Variants in IL1RAPL2 observed in about 807,000 individuals in gnomAD.
The protein encoded by IL1RAPL2 is X-linked interleukin-1 receptor accessory protein-like 2.
Under a neutral mutation model 44.1 loss-of-function variants are expected in IL1RAPL2, and 3 were observed. The ratio of observed to expected loss-of-function variants is 0.07; its 90% CI spans 0.03 to 0.18. The LOEUF is 0.18. Among genes scored for constraint, IL1RAPL2 ranks in the 10% least tolerant of loss-of-function variants. The probability of loss-of-function intolerance (pLI) is 1.00; values close to 1 mark genes in which losing one functional copy is unlikely to be tolerated. For missense variants in IL1RAPL2, 391 were observed against 496.4 expected, an observed-to-expected ratio of 0.79 and a Z score of 2.02; for synonymous variants, 181 against 178.8, an observed-to-expected ratio of 1.01 and a Z score of -0.10.
intron 6 of IL1RAPL2, among the ~76,000 whole-genome samples, chrX:105,713,784 G>A (rs969825563): frequency 9.0e-5 from 10 of 111,196 alleles, no homozygotes; most frequent in South Asian, 3.8e-4. Flanking sequence ...GTTTCTATGC[G>A]TATTAATTCC....
chrX:105,682,603 A>G (rs1292698126), intron 6 of IL1RAPL2, among the ~76,000 whole-genome samples: 1 of 112,277 alleles, frequency 8.9e-6, no homozygotes, highest in African/African-American at 3.2e-5. Context: ...AATTTCTTGA[A>G]ATTTCCCTAG....
At chrX:105,247,682 G>A (rs1471187168) in intron 4 of IL1RAPL2, among the ~76,000 whole-genome samples, 1 of 106,302 alleles carries the variant, frequency 9.4e-6, no homozygotes, top group African/African-American at 3.4e-5. Flanking sequence ...AAATCGAACA[G>A]TGAAGAGGTA....
At chrX:105,022,654 A>C (rs937973657) in intron 2 of IL1RAPL2, among the ~76,000 whole-genome samples, 1 of 111,262 alleles carries the variant, frequency 9.0e-6, no homozygotes, top group Non-Finnish European at 1.9e-5. Flanking sequence ...TGTGAGAGAC[A>C]TTGAAAGCTT....
chrX:105,679,220 G>A (rs2037901174), intron 6 of IL1RAPL2, among the ~76,000 whole-genome samples: 1 of 111,527 alleles, frequency 9.0e-6, no homozygotes, highest in African/African-American at 3.3e-5. Flanking sequence ...GGCAGATCAA[G>A]CACTTCTTTT....
intron 7 of IL1RAPL2, among the ~76,000 whole-genome samples, chrX:105,734,696 C>T (rs1007348040): frequency 1.5e-4 from 17 of 111,710 alleles, no homozygotes; most frequent in African/African-American, 5.5e-4. Flanking sequence ...ACTGAGTCAA[C>T]AAGCATTTTT....
chrX:105,084,875 G>A (rs888298505), intron 2 of IL1RAPL2, among the ~76,000 whole-genome samples: 2 of 111,849 alleles, frequency 1.8e-5, no homozygotes, highest in African/African-American at 6.5e-5. Flanking sequence ...GGGACCAGCT[G>A]GGAGATGATT....
At chrX:105,190,232 G>C (rs1409088279) in intron 2 of IL1RAPL2, among the ~76,000 whole-genome samples, 1 of 111,134 alleles carries the variant, frequency 9.0e-6, no homozygotes, top group African/African-American at 3.3e-5. Flanking sequence ...TGGGTGGGGG[G>C]ATGGGGGTGT....
intron 5 of IL1RAPL2, among the ~76,000 whole-genome samples, chrX:105,417,617 A>G (rs753489702): frequency 8.0e-5 from 9 of 112,660 alleles, no homozygotes; most frequent in African/African-American, 2.9e-4. Flanking sequence ...CCTTGGGGAA[A>G]AGTCAGTGCC....
intron 2 of IL1RAPL2, among the ~76,000 whole-genome samples, chrX:104,795,805 C>G (rs1453158337): frequency 8.9e-6 from 1 of 112,018 alleles, no homozygotes; most frequent in Non-Finnish European, 1.9e-5. Context: ...CCTTGACTTT[C>G]CAGACACAAG....
chrX:105,578,638 A>G (rs894352036), intron 6 of IL1RAPL2, among the ~76,000 whole-genome samples: 3 of 110,994 alleles, frequency 2.7e-5, no homozygotes, highest in Non-Finnish European at 5.7e-5. Flanking sequence ...TTGAAAGTGC[A>G]CCACTAATAA....
chrX:105,118,831 A>G (rs2032890109), intron 2 of IL1RAPL2, among the ~76,000 whole-genome samples: 1 of 112,291 alleles, frequency 8.9e-6, no homozygotes, highest in African/African-American at 3.2e-5. Context: ...CTCAAAAAAC[A>G]TATGGTACAC....
intron 2 of IL1RAPL2, among the ~76,000 whole-genome samples, chrX:105,187,594 C>T (rs1556134648): frequency 9.0e-6 from 1 of 111,563 alleles, no homozygotes; most frequent in African/African-American, 3.3e-5. Flanking sequence ...CATGGATGAA[C>T]CTGGAGGATA....
intron 5 of IL1RAPL2, among the ~76,000 whole-genome samples, chrX:105,382,544 TTGTGGAAGTCAG>T (rs2035441055): frequency 2.0e-5 from 2 of 101,116 alleles, no homozygotes; most frequent in African/African-American, 4.1e-5. Context: ...AGTTCAACCA[TTGTGGAAGTCAG>T]TGTGGCGATT....
Position 104,855,794 on chromosome X carries a change from A to G in IL1RAPL2, c.82+196799A>G, listed in dbSNP as rs888494814. Among the ~76,000 whole-genome samples, 3 of 105,386 alleles carry G rather than the reference A, an allele frequency of 2.8e-5. No individual in the cohort carries two copies. The Admixed American group carries it at 3.1e-4, about 11-fold the overall frequency. 91.5% of individuals were successfully genotyped at this position (105,386 alleles called of 115,157 possible). A position where few individuals can be genotyped will look rare whatever the true frequency, so the allele number is the denominator to read the frequency against. ...ATCCTCCTGCCTCAGCCTTCCAAAT[A>G]GCTGGAACTGCAGGCATGCACCACC... is the stretch of plus-strand genomic sequence containing the variant. On this transcript the variant is annotated intron_variant, in intron 2 of 10. Coordinates refer to ENST00000372582, the MANE Select transcript of IL1RAPL2 (RefSeq NM_017416.2).
intron 2 of IL1RAPL2, among the ~76,000 whole-genome samples, chrX:104,693,215 TCATGTTCATACCATTGTA>T (rs1261142765): frequency 8.9e-6 from 1 of 111,828 alleles, no homozygotes; most frequent in African/African-American, 3.2e-5. Context: ...CAAGCATGCA[TCATGTTCATACCATTGTA>T]CATGTGTTAG....
intron 5 of IL1RAPL2, among the ~76,000 whole-genome samples, chrX:105,316,296 GATAA>G (rs1222804496): frequency 6.3e-5 from 7 of 110,451 alleles, no homozygotes; most frequent in Non-Finnish European, 9.5e-5. Context: ...TAAATAAATT[GATAA>G]ATAAATATAG....
chrX:105,030,739 G>C (rs1162758641), intron 2 of IL1RAPL2, among the ~76,000 whole-genome samples: 1 of 111,380 alleles, frequency 9.0e-6, no homozygotes, highest in Non-Finnish European at 1.9e-5. Context: ...GCTCTTTTTT[G>C]GTTCCATATG....
intron 4 of IL1RAPL2, among the ~76,000 whole-genome samples, chrX:105,239,334 A>G (rs1234079300): frequency 5.4e-5 from 6 of 111,983 alleles, no homozygotes; most frequent in Admixed American, 1.9e-4. Context: ...CATAAGGGAT[A>G]CATTTCTAAT....
At chrX:104,949,846 G>A (rs768010972) in intron 2 of IL1RAPL2, among the ~76,000 whole-genome samples, 2 of 111,113 alleles carry the variant, frequency 1.8e-5, no homozygotes, top group Non-Finnish European at 3.8e-5. Flanking sequence ...CAAGTATGTG[G>A]TCAGTTTTGG....
Sources: gnomAD v4.1 joint callset for allele counts (sites outside exome capture counted in the v4.1 genomes callset) on GRCh38, gnomAD v4.1.1 for gene constraint, MANE v1.5 for transcripts, NCBI Gene and HGNC (gene_info 2026-07-23, HGNC 2026-07-21) for gene names.